Variants in ACBD6 observed in about 807,000 individuals in gnomAD.
ACBD6 encodes acyl-CoA-binding domain-containing protein 6.
Under a neutral mutation model 37.2 loss-of-function variants are expected in ACBD6, and 28 were observed. That is an observed-to-expected ratio of 0.75 (90% CI 0.56 to 1.03). ACBD6 has a LOEUF of 1.03. Among genes scored for constraint, ACBD6 ranks in the 50% least tolerant of loss-of-function variants. ACBD6 has a pLI of 0.00. For missense variants in ACBD6, 340 were observed against 337.4 expected (o/e 1.01, Z -0.06); for synonymous variants, 113 against 126.8 (o/e 0.89, Z 0.73).
At chr1:180,470,935 G>C (rs951124381) in intron 3 of ACBD6, among the ~76,000 whole-genome samples, 4 of 152,166 alleles carry the variant, frequency 2.6e-5, no homozygotes, top group Non-Finnish European at 4.4e-5. Context: ...CAATTTCTTT[G>C]ATGAAATAAA....
At chr1:180,487,257 G>C (rs1651306775) in intron 3 of ACBD6, among the ~76,000 whole-genome samples, 1 of 152,022 alleles carries the variant, frequency 6.6e-6, no homozygotes, top group Admixed American at 6.6e-5. Context: ...TTATACAGTA[G>C]CCCTCCTTTA....
intron 7 of ACBD6, among the ~76,000 whole-genome samples, chr1:180,312,738 T>A (rs539194149): frequency 5.1e-4 from 78 of 152,334 alleles, no homozygotes; most frequent in Non-Finnish European, 8.1e-4. Flanking sequence ...AGAGCTTTTA[T>A]CATAAAAATA....
At position 180,406,145 on chromosome 1, in the gene ACBD6, A is replaced by G. The variant is rs565918545; in HGVS notation, c.573+7221T>C. ...TCCAATTACTATACCAGTAGGAAAT[A>G]CCAGGTAATTTTCTCAAATTAGAAA... is the stretch of plus-strand genomic sequence containing the variant. On this transcript the variant is annotated intron_variant, in intron 5 of 7. Coordinates refer to ENST00000367595, the MANE Select transcript of ACBD6 (RefSeq NM_032360.4). 1.1e-4 allele frequency among the ~76,000 whole-genome samples: 17 copies of G among 152,316 alleles called. No homozygotes were observed. The South Asian group carries it at 3.5e-3, about 32-fold the overall frequency.
intron 6 of ACBD6, among the ~76,000 whole-genome samples, chr1:180,351,849 A>G (rs1425879557): frequency 1.3e-5 from 2 of 152,196 alleles, no homozygotes; most frequent in African/African-American, 4.8e-5. Context: ...TTTTATATCC[A>G]TGTTCACAGT....
chr1:180,372,870 T>C (rs1424347447), intron 6 of ACBD6, among the ~76,000 whole-genome samples: 3 of 152,186 alleles, frequency 2.0e-5, no homozygotes, highest in Admixed American at 1.3e-4. Context: ...TGTCAGATAA[T>C]CTGTCACTAT....
At chr1:180,292,361 A>G (rs1571323446) in intron 7 of ACBD6, among the ~76,000 whole-genome samples, 3 of 152,226 alleles carry the variant, frequency 2.0e-5, no homozygotes, top group Non-Finnish European at 4.4e-5. Flanking sequence ...TAGGAATTAT[A>G]CACATACAAA....
chr1:180,366,111 A>G (rs1232166765), intron 6 of ACBD6, among the ~76,000 whole-genome samples: 1 of 152,232 alleles, frequency 6.6e-6, no homozygotes, highest in Non-Finnish European at 1.5e-5. Flanking sequence ...TATAACATGC[A>G]CATACTTATT....
intron 3 of ACBD6, among the ~76,000 whole-genome samples, chr1:180,448,132 A>G (rs1649546739): frequency 1.3e-5 from 2 of 152,348 alleles, no homozygotes; most frequent in East Asian, 1.9e-4. Context: ...TTACAGTGAA[A>G]CAGGTACTAA....
At chr1:180,347,360 G>GTGTTTTTTT (rs1553296138) in intron 6 of ACBD6, among the ~76,000 whole-genome samples, 2 of 49,074 alleles carry the variant, frequency 4.1e-5, no homozygotes, top group African/African-American at 9.9e-5. Context: ...TCAACAGAAA[G>GTGTTTTTTT]TTTTTTTTTT....
chr1:180,337,291 A>G (rs553416360), intron 6 of ACBD6, among the ~76,000 whole-genome samples: 2 of 152,334 alleles, frequency 1.3e-5, no homozygotes, highest in African/African-American at 2.4e-5. Context: ...AGCACATCAA[A>G]AAGCTTATCC....
At chr1:180,501,951 C>G in intron 1 of ACBD6, 94 bp downstream of exon 1, 4 of 1,097,878 alleles carry the variant, frequency 3.6e-6, no homozygotes, top group Non-Finnish European at 5.5e-6. Context: ...AGCTTCATTA[C>G]ACCTAGCTAT....
At chr1:180,337,558 G>A (rs1651790330) in intron 6 of ACBD6, among the ~76,000 whole-genome samples, 2 of 152,156 alleles carry the variant, frequency 1.3e-5, no homozygotes, top group East Asian at 1.9e-4. Context: ...TACTGAATGG[G>A]CAAAAACTGG....
intron 6 of ACBD6, among the ~76,000 whole-genome samples, chr1:180,365,476 A>G (rs1437219807): frequency 2.6e-5 from 4 of 152,210 alleles, no homozygotes; most frequent in Admixed American, 6.5e-5. Flanking sequence ...TTTCCAAACT[A>G]CTGATTTTAA....
chr1:180,411,735 G>A (rs2101970574), intron 5 of ACBD6, among the ~76,000 whole-genome samples: 1 of 152,216 alleles, frequency 6.6e-6, no homozygotes, highest in African/African-American at 2.4e-5. Flanking sequence ...GCGCGATCTA[G>A]GCTCACTGCA....
At chr1:180,413,931 A>G (rs1647969544) in intron 4 of ACBD6, among the ~76,000 whole-genome samples, 1 of 152,196 alleles carries the variant, frequency 6.6e-6, no homozygotes, top group Non-Finnish European at 1.5e-5. Context: ...AAAACAGGCA[A>G]AAAGGAGACG....
rs550323239 is a variant in ACBD6 at position 180,469,812 on chromosome 1, G to T, written c.384+22457C>A. On this transcript the variant is annotated intron_variant, in intron 3 of 7. Transcript: ENST00000367595. ...AACATTGCATCCCGTTTATTTTTTG[G>T]TGGCATATTAATAAAATACTTGCCT... Among the ~76,000 whole-genome samples the T allele has an allele frequency of 5.1e-4, 77 of 151,976 alleles. 2 individuals carry two copies. In the South Asian group the frequency reaches 0.015, roughly 30 times the overall value.
intron 3 of ACBD6, 143 bp downstream of exon 3, chr1:180,492,122 TTAGA>T: frequency 4.5e-6 from 3 of 672,388 alleles, no homozygotes; most frequent in Non-Finnish European, 7.5e-6. Context: ...AATTATTTTA[TTAGA>T]TAAATATTAC....
At chr1:180,486,955 C>G (rs1055898141) in intron 3 of ACBD6, among the ~76,000 whole-genome samples, 1 of 151,706 alleles carries the variant, frequency 6.6e-6, no homozygotes, top group Admixed American at 6.6e-5. Context: ...CAGGCAAACC[C>G]AAAATAAGGG....
intron 7 of ACBD6, among the ~76,000 whole-genome samples, chr1:180,291,136 C>T (rs1029585480): frequency 6.6e-6 from 1 of 152,172 alleles, no homozygotes; most frequent in African/African-American, 2.4e-5. Flanking sequence ...TGTATGCAGT[C>T]ATCTGGGCTG....
Sources: gnomAD v4.1 joint callset for allele counts (sites outside exome capture counted in the v4.1 genomes callset) on GRCh38, gnomAD v4.1.1 for gene constraint, MANE v1.5 for transcripts, NCBI Gene and HGNC (gene_info 2026-07-23, HGNC 2026-07-21) for gene names.